Variants in ZBTB20 observed in about 807,000 individuals in gnomAD.
ZBTB20 encodes zinc finger and BTB domain-containing protein 20.
ZBTB20 carries 9 observed loss-of-function variants against 56.9 expected under a neutral mutation model. The observed-to-expected ratio is 0.16, with a 90% CI of 0.10 to 0.28. The LOEUF (loss-of-function observed/expected upper bound fraction) is 0.28. Ranked by LOEUF, ZBTB20 falls within the 10% of genes least tolerant of loss-of-function variation. The pLI is 1.00. For synonymous variants in ZBTB20, 417 were observed against 420.7 expected (o/e 0.99, Z 0.11); for missense variants, 655 against 1,003.0 (o/e 0.65, Z 4.69).
intron 1 of ZBTB20, among the ~76,000 whole-genome samples, chr3:115,138,797 G>A (rs2084727992): frequency 1.3e-5 from 2 of 152,038 alleles, no homozygotes; most frequent in Admixed American, 6.6e-5. Context: ...ATTGGTGTTG[G>A]TGGTGTGATT....
At chr3:114,700,554 C>A (rs1175128325) in intron 5 of ZBTB20, among the ~76,000 whole-genome samples, 1 of 152,136 alleles carries the variant, frequency 6.6e-6, no homozygotes, top group Non-Finnish European at 1.5e-5. Context: ...TTTTCCACTA[C>A]ATCAGGACAC....
At chr3:114,420,980 A>C (rs1217903640) in intron 7 of ZBTB20, among the ~76,000 whole-genome samples, 3 of 152,140 alleles carry the variant, frequency 2.0e-5, no homozygotes, top group African/African-American at 7.2e-5. Context: ...TTTGGCATTA[A>C]ACCATACCAT....
intron 6 of ZBTB20, among the ~76,000 whole-genome samples, chr3:114,611,452 G>T (rs948278656): frequency 6.6e-6 from 1 of 152,164 alleles, no homozygotes; most frequent in Non-Finnish European, 1.5e-5. Context: ...TGTTGTTCAG[G>T]AACATACTAT....
chr3:114,428,303 G>T (rs1050333705), intron 7 of ZBTB20, among the ~76,000 whole-genome samples: 1 of 152,016 alleles, frequency 6.6e-6, no homozygotes, highest in African/African-American at 2.4e-5. Flanking sequence ...GGTATTAAAA[G>T]AAAAAAATGC....
chr3:115,097,204 T>G (rs762108346), intron 1 of ZBTB20, among the ~76,000 whole-genome samples: 36 of 152,178 alleles, frequency 2.4e-4, no homozygotes, highest in Non-Finnish European at 4.4e-4. Context: ...TTTTGAGACG[T>G]AGTCTCGCTC....
At chr3:114,410,586 T>C (rs779908219) in intron 7 of ZBTB20, among the ~76,000 whole-genome samples, 8 of 152,096 alleles carry the variant, frequency 5.3e-5, no homozygotes, top group Non-Finnish European at 8.8e-5. Context: ...CCAGTGTAAA[T>C]TGGAAAAAAA....
At chr3:114,944,978 A>G (rs2076837107) in intron 3 of ZBTB20, among the ~76,000 whole-genome samples, 1 of 145,818 alleles carries the variant, frequency 6.9e-6, no homozygotes, top group Admixed American at 6.6e-5. Context: ...TATACTTTAA[A>G]TGTTCTTACC....
intron 2 of ZBTB20, among the ~76,000 whole-genome samples, chr3:115,000,605 C>T (rs1449050818): frequency 6.6e-6 from 1 of 151,512 alleles, no homozygotes; most frequent in African/African-American, 2.4e-5. Context: ...CTATCAGGAC[C>T]TCTCAGTATC....
At chr3:114,624,019 T>C (rs1337016439) in intron 6 of ZBTB20, 2 of 152,228 alleles carry the variant, frequency 1.3e-5, no homozygotes, top group Non-Finnish European at 1.5e-5. Context: ...GTATTTTTTG[T>C]TTGTTTGTTT....
intron 3 of ZBTB20, among the ~76,000 whole-genome samples, chr3:114,909,006 C>A (rs979814246): frequency 2.0e-5 from 3 of 151,706 alleles, no homozygotes; most frequent in East Asian, 3.9e-4. Flanking sequence ...GACAAAAATG[C>A]AATATCTGAA....
In ZBTB20 at chr3:114,841,650, C is replaced by T. The variant is rs540485774; in HGVS notation, c.-416-40476G>A. Among the ~76,000 whole-genome samples the T allele has an allele frequency of 1.8e-4, 28 of 152,182 alleles. No individual in the cohort carries two copies. In the East Asian group the frequency reaches 5.2e-3, roughly 28 times the overall value. On this transcript the variant is annotated intron_variant, in intron 4 of 11. Transcript: ENST00000675478. The stretch of plus-strand genomic sequence containing the variant: ...GTACAGGATATGGAAAAGGTAATGT[C>T]AAGTTTCTAATGTCGGCAATTATGT...
intron 5 of ZBTB20, among the ~76,000 whole-genome samples, chr3:114,769,933 C>T (rs1205871342): frequency 4.0e-5 from 6 of 150,980 alleles, no homozygotes; most frequent in Non-Finnish European, 7.4e-5. Context: ...GTGGTGTGCA[C>T]CCGTAATCCT....
intron 4 of ZBTB20, among the ~76,000 whole-genome samples, chr3:114,896,880 C>T (rs1352260905): frequency 6.6e-6 from 1 of 151,956 alleles, no homozygotes; most frequent in Non-Finnish European, 1.5e-5. Flanking sequence ...TCTTCTAAGG[C>T]CAGGGAAGCA....
At chr3:114,834,307 T>C (rs138221180) in intron 4 of ZBTB20, among the ~76,000 whole-genome samples, 23 of 152,264 alleles carry the variant, frequency 1.5e-4, no homozygotes, top group African/African-American at 5.5e-4. Context: ...AGTAGGAAAC[T>C]TATGACAAAA....
intron 7 of ZBTB20, among the ~76,000 whole-genome samples, chr3:114,497,895 C>T (rs2043468480): frequency 1.3e-5 from 2 of 152,114 alleles, no homozygotes; most frequent in African/African-American, 4.8e-5. Context: ...AGTAGGAGCC[C>T]ATTAGCAATC....
intron 6 of ZBTB20, among the ~76,000 whole-genome samples, chr3:114,656,882 G>C (rs1044973775): frequency 2.0e-4 from 30 of 152,126 alleles, no homozygotes; most frequent in Non-Finnish European, 3.4e-4. Flanking sequence ...TGAGTAGCTG[G>C]GATTATAAGC....
rs189622663 is a variant in ZBTB20, at chr3:114,391,229, T to C, written c.-254-2124A>G. 2.0e-4 allele frequency among the ~76,000 whole-genome samples: 30 copies of C among 152,310 alleles called. No individual in the cohort carries two copies. In the South Asian group the frequency reaches 3.1e-3, roughly 16 times the overall value. On this transcript the variant is annotated intron_variant, in intron 7 of 11. Coordinates refer to ENST00000675478, the MANE Select transcript of ZBTB20 (RefSeq NM_001348800.3). ...TTTCTAAAGTGCCCTTCTAAACATA[T>C]CACTTCTTTGCTTACAGTCCTCCTT...
chr3:114,537,840 C>T (rs1174304371), intron 6 of ZBTB20, among the ~76,000 whole-genome samples: 4 of 151,060 alleles, frequency 2.6e-5, no homozygotes, highest in Non-Finnish European at 5.9e-5. Flanking sequence ...CTTTGCAGGA[C>T]ATGAAACTGG....
At chr3:114,349,249 A>T (rs1394460486) in intron 11 of ZBTB20, among the ~76,000 whole-genome samples, 1 of 151,744 alleles carries the variant, frequency 6.6e-6, no homozygotes, top group Non-Finnish European at 1.5e-5. Context: ...CATCACTGTT[A>T]TAGGTATTCT....
Sources: gnomAD v4.1 joint callset for allele counts (sites outside exome capture counted in the v4.1 genomes callset) on GRCh38, gnomAD v4.1.1 for gene constraint, MANE v1.5 for transcripts, NCBI Gene and HGNC (gene_info 2026-07-23, HGNC 2026-07-21) for gene names.